The following ARL13B variants were observed in gnomAD, a reference collection of about 807,000 sequenced individuals.
The protein encoded by ARL13B is ADP-ribosylation factor-like protein 13B.
In ARL13B, 36 loss-of-function variants were observed where a neutral mutation model predicts 56.1. The observed-to-expected ratio is 0.64, with a 90% CI of 0.49 to 0.85. ARL13B has a LOEUF of 0.85. Among genes scored for constraint, ARL13B ranks in the 40% least tolerant of loss-of-function variants. The pLI, the probability that ARL13B is intolerant of heterozygous loss-of-function variation, is 0.00. For synonymous variants in ARL13B, 178 were observed against 171.1 expected (o/e 1.04, Z -0.32); for missense variants, 519 against 507.1 (o/e 1.02, Z -0.23).
At chr3:93,998,109 T>G (rs967485575) in intron 2 of ARL13B, among the ~76,000 whole-genome samples, 1 of 152,256 alleles carries the variant, frequency 6.6e-6, no homozygotes, top group Non-Finnish European at 1.5e-5. Flanking sequence ...CTTTTAATTT[T>G]TTTTAGTCAT....
At chr3:94,015,891 G>C (rs972004274) in intron 3 of ARL13B, among the ~76,000 whole-genome samples, 1 of 152,104 alleles carries the variant, frequency 6.6e-6, no homozygotes, top group Non-Finnish European at 1.5e-5. Context: ...ACATTGGTTT[G>C]ATTATGCTGA....
At chr3:94,032,406 G>C (rs187994640) in intron 3 of ARL13B, among the ~76,000 whole-genome samples, 9 of 152,222 alleles carry the variant, frequency 5.9e-5, no homozygotes, top group African/African-American at 2.2e-4. Flanking sequence ...AAACATAGCA[G>C]ATGTCTGCGA....
At chr3:94,044,711 C>T (rs1330370083) in intron 7 of ARL13B, among the ~76,000 whole-genome samples, 2 of 139,630 alleles carry the variant, frequency 1.4e-5, no homozygotes, top group Admixed American at 7.2e-5. Context: ...AAGTGAGGAG[C>T]GCCTCTGCCC....
intron 2 of ARL13B, among the ~76,000 whole-genome samples, chr3:94,001,368 A>T (rs1559975201): frequency 6.6e-6 from 1 of 152,170 alleles, no homozygotes; most frequent in Non-Finnish European, 1.5e-5. Flanking sequence ...TTTACTGGGC[A>T]TATTGCCATC....
rs1413337516 is a variant in ARL13B, at chr3:94,053,901, G to A, written c.*638G>A. 4 of 315,278 alleles carry A rather than the reference G, an allele frequency of 1.3e-5. No homozygotes were observed. The highest frequency in any genetic ancestry group is 2.5e-5 in the Non-Finnish European group (4 of 161,724). The allele number at this position is 315,278 out of a possible 1,614,324, so 19.5% of individuals were successfully genotyped here. On this transcript the variant is annotated 3_prime_UTR_variant, in exon 10 of 10. Coordinates refer to ENST00000394222, the MANE Select transcript of ARL13B (RefSeq NM_001174150.2). ...TAGCGTTGTTCTTTAAGTGTACATC[G>A]TAATTTGACCTAATTTAAAAATAAT...
chr3:94,023,714 C>A (rs1576001050), intron 3 of ARL13B, among the ~76,000 whole-genome samples: 1 of 152,066 alleles, frequency 6.6e-6, no homozygotes, highest in Admixed American at 6.5e-5. Context: ...TTCTTTTTCC[C>A]CTATTGTCTA....
intron 5 of ARL13B, among the ~76,000 whole-genome samples, chr3:94,037,378 C>T (rs773594667): frequency 8.5e-5 from 13 of 152,186 alleles, no homozygotes; most frequent in Non-Finnish European, 1.8e-4. Flanking sequence ...AGCAAGAACT[C>T]ACTACCCTTG....
intron 3 of ARL13B, among the ~76,000 whole-genome samples, chr3:94,006,720 A>G (rs1483964963): frequency 2.0e-5 from 3 of 152,206 alleles, no homozygotes; most frequent in Non-Finnish European, 4.4e-5. Flanking sequence ...TTAAAAATAC[A>G]ATTTTGATAA....
In ARL13B at chr3:94,039,086, A is replaced by C. The variant is rs532200414; in HGVS notation, c.690-794A>C. 1.4e-4 allele frequency among the ~76,000 whole-genome samples: 21 copies of C among 152,330 alleles called. No homozygotes were observed. The South Asian group carries it at 4.3e-3, about 32-fold the overall frequency. On this transcript the variant is annotated intron_variant, in intron 5 of 9. Coordinates refer to ENST00000394222, the MANE Select transcript of ARL13B (RefSeq NM_001174150.2). ...CAATCTGTAGATATTCTAGTCTTTT[A>C]TTCTTTTATACTAAACAAGAAACAT...
Position 94,043,252 on chromosome 3 carries a change from A to C in ARL13B, c.1024+12A>C. 1 of 1,596,210 alleles carries C rather than the reference A, an allele frequency of 6.3e-7. No individual in the cohort carries two copies. The highest frequency in any genetic ancestry group is 8.6e-7 in the Non-Finnish European group (1 of 1,165,430). Reference sequence around the variant, plus strand: ...ATCATTGGAATCAGGTAATAAATCTAGTTATTTAAAGTAATTATCTTATGT... The same window carrying C: ...ATCATTGGAATCAGGTAATAAATCTCGTTATTTAAAGTAATTATCTTATGT... On this transcript the variant is annotated intron_variant, in intron 7 of 9. Coordinates refer to ENST00000394222, the MANE Select transcript of ARL13B (RefSeq NM_001174150.2).
At chr3:93,994,105 A>G (rs2075923923) in intron 1 of ARL13B, among the ~76,000 whole-genome samples, 1 of 152,218 alleles carries the variant, frequency 6.6e-6, no homozygotes, top group African/African-American at 2.4e-5. Context: ...TACTCATAGT[A>G]GAAGTCAGAA....
At chr3:93,981,911 T>G (rs1468642849) in intron 1 of ARL13B, among the ~76,000 whole-genome samples, 1 of 151,632 alleles carries the variant, frequency 6.6e-6, no homozygotes, top group Non-Finnish European at 1.5e-5. Context: ...AAGAGTTGTT[T>G]TAGGTGCATA....
chr3:94,002,570 T>C (rs750186154), intron 2 of ARL13B, among the ~76,000 whole-genome samples: 1 of 152,208 alleles, frequency 6.6e-6, no homozygotes, highest in Non-Finnish European at 1.5e-5. Flanking sequence ...CAGAAAAATA[T>C]AAAGTTTGAA....
rs148350738 is a variant in ARL13B, at chr3:94,010,156, G to T, written c.380+6248G>T. On this transcript the variant is annotated intron_variant, in intron 3 of 9. Transcript: ENST00000394222. ...TAGGAGAAAGTGTTAAGTCAGAAAG[G>T]CCCTAAGTAGGTTATTTAATCTTTC... 6.1e-3 allele frequency among the ~76,000 whole-genome samples: 923 copies of T among 152,168 alleles called. 1 individual carries two copies. The highest frequency in any genetic ancestry group is 9.7e-3 in the Non-Finnish European group (657 of 67,956).
chr3:94,016,459 G>C (rs1473790983), intron 3 of ARL13B, among the ~76,000 whole-genome samples: 4 of 152,048 alleles, frequency 2.6e-5, no homozygotes, highest in Admixed American at 2.0e-4. Flanking sequence ...TTGAAGTACA[G>C]GGTAGGGATT....
At chr3:93,983,706 G>C (rs565461397) in intron 1 of ARL13B, among the ~76,000 whole-genome samples, 1 of 151,488 alleles carries the variant, frequency 6.6e-6, no homozygotes, top group African/African-American at 2.4e-5. Flanking sequence ...TTTTCCTTGC[G>C]CATTTTTGTT....
At chr3:94,038,486 C>CTT (rs773096232) in intron 5 of ARL13B, among the ~76,000 whole-genome samples, 1 of 32,764 alleles carries the variant, frequency 3.1e-5, no homozygotes, top group African/African-American at 1.0e-4. Flanking sequence ...GTGTTTCTTT[C>CTT]TTTTTTTTTT....
chr3:94,032,288 G>A lies in ARL13B; in HGVS notation c.381-3043G>A, dbSNP rs547941516. The stretch of plus-strand genomic sequence containing the variant: ...AAGAAGACATACAGATGGCCAACAA[G>A]CATATGAAAAAAATGCTCAATATGC... On this transcript the variant is annotated intron_variant, in intron 3 of 9. Transcript: ENST00000394222. Among the ~76,000 whole-genome samples the A allele has an allele frequency of 1.2e-4, 19 of 152,160 alleles. No homozygotes were observed. The South Asian group carries it at 3.5e-3, about 28-fold the overall frequency.
chr3:94,019,525 A>G lies in ARL13B; in HGVS notation c.380+15617A>G, dbSNP rs182630013. Among the ~76,000 whole-genome samples, 10 of 152,210 alleles carry G rather than the reference A, an allele frequency of 6.6e-5. No individual in the cohort carries two copies. In the East Asian group the frequency reaches 1.7e-3, roughly 26 times the overall value. On this transcript the variant is annotated intron_variant, in intron 3 of 9. Transcript: ENST00000394222. The stretch of plus-strand genomic sequence containing the variant: ...CCTGTTATTTTTCATCTTGATTGTT[A>G]ACGATAGTCTCCTAAGTGTTCTCCT...
Sources: allele counts gnomAD v4.1 joint callset (sites outside exome capture counted in the v4.1 genomes callset), GRCh38; gene constraint gnomAD v4.1.1; transcripts MANE v1.5; gene names NCBI Gene and HGNC (gene_info 2026-07-23, HGNC 2026-07-21).